The following ZNF528 variants were observed in gnomAD, a reference collection of about 807,000 sequenced individuals.
ZNF528 encodes the protein zinc finger protein 528.
ZNF528 carries 9 observed loss-of-function variants against 13.3 expected under a neutral mutation model. That is an observed-to-expected ratio of 0.67 (90% CI 0.41 to 1.18). The LOEUF is 1.18. ZNF528 is among the 50% of genes most tolerant of loss of function. The pLI is 0.01. For missense variants in ZNF528, 858 were observed against 745.4 expected, an observed-to-expected ratio of 1.15 and a Z score of -1.76; for synonymous variants, 264 against 254.3, an observed-to-expected ratio of 1.04 and a Z score of -0.36.
intron 6 of ZNF528, chr19:52,414,324 T>G (rs1262941171): frequency 1.4e-6 from 1 of 702,408 alleles, no homozygotes; most frequent in East Asian, 2.7e-5. Flanking sequence ...GCACAGACCT[T>G]GGGGGACTGA....
intron 4 of ZNF528, among the ~76,000 whole-genome samples, chr19:52,403,321 C>T (rs1270029348): frequency 1.3e-5 from 2 of 152,004 alleles, no homozygotes; most frequent in African/African-American, 4.8e-5. Context: ...TGTATTGAGA[C>T]CCTGTGTCTA....
chr19:52,403,392 G>A (rs970915066), intron 4 of ZNF528, among the ~76,000 whole-genome samples: 42 of 152,244 alleles, frequency 2.8e-4, no homozygotes, highest in Non-Finnish European at 1.0e-4. Flanking sequence ...GGGACAGGGT[G>A]CAGTGGCTCA....
Position 52,416,039 on chromosome 19 carries a change from T to C in ZNF528, c.1187T>C (p.Leu396Pro). The C allele has an allele frequency of 6.2e-7, 1 of 1,614,100 alleles. No individual in the cohort carries two copies. The highest frequency in any genetic ancestry group is 8.5e-7 in the Non-Finnish European group (1 of 1,180,030). ...CDKVFGRKCF[L>P]TSHQRIHTRE... ...AAGGTCTTTGGGCGCAAGTGTTTCC[T>C]GACCTCTCATCAGAGAATTCATACT... Residue 396 changes from leucine to proline, a missense_variant, in exon 7 of 7, where the codon CTG (leucine) becomes CCG (proline). By Grantham distance (98) the Leu-to-Pro change is moderately conservative. Transcript: ENST00000360465.
chr19:52,403,437 C>G (rs2058818210), intron 4 of ZNF528, among the ~76,000 whole-genome samples: 1 of 151,968 alleles, frequency 6.6e-6, no homozygotes, highest in South Asian at 2.1e-4. Context: ...CCAAGGCGGG[C>G]AGATGAGAGG....
chr19:52,407,099 G>A (rs997952358), intron 6 of ZNF528, among the ~76,000 whole-genome samples: 2 of 127,204 alleles, frequency 1.6e-5, no homozygotes, highest in Non-Finnish European at 3.4e-5. Context: ...TGTACGCCAC[G>A]ATGCCTGGCT....
In ZNF528 at chr19:52,405,228, A is replaced by AC. The variant is rs1248419870; in HGVS notation, c.16-679_16-678insC. 2.0e-3 allele frequency among the ~76,000 whole-genome samples: 297 copies of AC among 151,410 alleles called. 10 individuals are homozygous for AC. In the East Asian group the frequency reaches 0.053, roughly 27 times the overall value. ...GCGAAACACCATCTCAAAAAAAAAA[A>AC]AAAAACCCAAAACTACAGTAGGTTG... On this transcript the variant is annotated intron_variant, in intron 4 of 6. Coordinates refer to ENST00000360465, the MANE Select transcript of ZNF528 (RefSeq NM_032423.3).
chr19:52,405,785 T>A, intron 4 of ZNF528, 122 bp from the exon 5 acceptor site: 1 of 1,343,712 alleles, frequency 7.4e-7, no homozygotes, highest in South Asian at 1.2e-5. Context: ...AAGAATACCT[T>A]AATATGGATT....
chr19:52,403,087 T>C (rs1430943662), intron 4 of ZNF528, among the ~76,000 whole-genome samples: 3 of 152,252 alleles, frequency 2.0e-5, no homozygotes, highest in Admixed American at 2.0e-4. Context: ...CTCCCATTTT[T>C]AAGTACTTAC....
rs1485449874 is a variant in ZNF528 at position 52,416,684 on chromosome 19, G to A, written c.1832G>A (p.Ser611Asn). 3 of 1,612,396 alleles carry A rather than the reference G, an allele frequency of 1.9e-6. No homozygotes were observed. Among genetic ancestry groups the A allele is most frequent in the Admixed American group, 3.3e-5 (2 of 60,008 alleles). ...AAACCTTACAAATGCACCCTGTGCA[G>A]TAAGGTCTTCAGTCACAATTCTGAC... ...GEKPYKCTLC[S>N]KVFSHNSDLA... The change falls in exon 7 of 7, where the codon AGT becomes AAT. Residue 611 changes from serine (S) to asparagine (N), a missense_variant. Coordinates refer to ENST00000360465, the MANE Select transcript of ZNF528 (RefSeq NM_032423.3).
At chr19:52,401,518 A>C (rs1406829796) in intron 2 of ZNF528, among the ~76,000 whole-genome samples, 167 bp from the exon 3 acceptor site, 1 of 152,130 alleles carries the variant, frequency 6.6e-6, no homozygotes. Flanking sequence ...CTCTGACCTC[A>C]TCTCCTGCCT....
chr19:52,416,917 G>A lies in ZNF528; in HGVS notation c.*178G>A. The A allele has an allele frequency of 1.6e-6, 1 of 622,030 alleles. No homozygotes were observed. The highest frequency in any genetic ancestry group is 2.7e-6 in the Non-Finnish European group (1 of 366,234). The allele number at this position is 622,030 out of a possible 1,614,324, so 38.5% of individuals were successfully genotyped here. A position where few individuals can be genotyped will look rare whatever the true frequency, so the allele number is the denominator to read the frequency against. On this transcript the variant is annotated 3_prime_UTR_variant, in exon 7 of 7. Coordinates refer to ENST00000360465, the MANE Select transcript of ZNF528 (RefSeq NM_032423.3). ...CTGTGGAGGATGAAAGCACACAGAT[G>A]AATTGTGTGTACTTGGGCTATTATT...
chr19:52,410,394 A>C (rs2058915900), intron 6 of ZNF528, among the ~76,000 whole-genome samples: 1 of 152,154 alleles, frequency 6.6e-6, no homozygotes, highest in Admixed American at 6.5e-5. Context: ...GGCTTGCAAG[A>C]CTGCATTCTT....
intron 6 of ZNF528, chr19:52,408,198 T>C (rs2058883212): frequency 6.6e-6 from 1 of 151,420 alleles, no homozygotes; most frequent in Non-Finnish European, 1.5e-5. Context: ...TTTTTTTTTC[T>C]GAGATGGAGT....
intron 6 of ZNF528, among the ~76,000 whole-genome samples, chr19:52,407,587 C>T (rs1479310051): frequency 6.6e-6 from 1 of 151,784 alleles, no homozygotes; most frequent in Non-Finnish European, 1.5e-5. Flanking sequence ...ACCAGCCTGG[C>T]CAACATGGTG....
In ZNF528 at chr19:52,416,424, T is replaced by C. The variant is rs776212215; in HGVS notation, c.1572T>C (p.Asn524=). The C allele has an allele frequency of 1.2e-6, 2 of 1,614,014 alleles. No individual in the cohort carries two copies. The highest frequency in any genetic ancestry group is 1.7e-6 in the Non-Finnish European group (2 of 1,180,030). Residue 524 remains asparagine (N), a synonymous_variant, in exon 7 of 7, where the codon AAT becomes AAC. Transcript: ENST00000360465. The part of the protein sequence containing the change: ...IHTGEKPYKC[N]QCGKVFNQAS... The stretch of plus-strand genomic sequence containing the variant: ...CAGGAGAAAAGCCTTACAAATGTAA[T>C]CAATGTGGCAAGGTCTTTAATCAAG...
intron 6 of ZNF528, chr19:52,414,882 T>A: frequency 7.2e-7 from 1 of 1,394,358 alleles, no homozygotes; most frequent in Non-Finnish European, 9.6e-7. Context: ...GTCTCTGTTG[T>A]ATTTCTCTGC....
At chr19:52,410,369 G>T (rs2058915441) in intron 6 of ZNF528, among the ~76,000 whole-genome samples, 1 of 151,866 alleles carries the variant, frequency 6.6e-6, no homozygotes, top group Non-Finnish European at 1.5e-5. Context: ...TCGGTCAGCG[G>T]CTTGATTTAC....
Position 52,402,028 on chromosome 19 carries a change from G to T in ZNF528, c.15G>T (p.Gln5His). 2 of 1,614,142 alleles carry T rather than the reference G, an allele frequency of 1.2e-6. No homozygotes were observed. The highest frequency in any genetic ancestry group is 8.5e-7 in the Non-Finnish European group (1 of 1,180,016). Residue 5 changes from glutamine (Q) to histidine (H), a missense_variant and splice_region_variant, in exon 4 of 7, where the codon CAG becomes CAT. Gln to His is a conservative substitution (Grantham distance 24). Transcript: ENST00000360465. MALT[Q>H]GPLKFMDVAI... The stretch of plus-strand genomic sequence containing the variant: ...AGAAGTCAGGAATGGCCCTTACTCA[G>T]GTAAGGTAATGTTCTCAGTGGATTG...
chr19:52,410,969 C>T (rs987934844), intron 6 of ZNF528, among the ~76,000 whole-genome samples: 2 of 152,208 alleles, frequency 1.3e-5, no homozygotes, highest in Non-Finnish European at 2.9e-5. Flanking sequence ...TATGGCCGTA[C>T]ACTCCTCTCC....
Sources: gnomAD v4.1 joint callset for allele counts (sites outside exome capture counted in the v4.1 genomes callset) on GRCh38, gnomAD v4.1.1 for gene constraint, MANE v1.5 for transcripts, NCBI Gene and HGNC (gene_info 2026-07-23, HGNC 2026-07-21) for gene names.